Variants in CNTNAP2 observed in about 807,000 individuals in gnomAD.
The protein encoded by CNTNAP2 is contactin-associated protein-like 2.
A neutral mutation model predicts 155.2 loss-of-function variants in CNTNAP2; 98 were observed. The observed-to-expected ratio is 0.63, with a 90% CI of 0.54 to 0.75. The LOEUF is 0.75. Among genes scored for constraint, CNTNAP2 ranks in the 30% least tolerant of loss-of-function variants. CNTNAP2 has a pLI of 0.00. For missense variants in CNTNAP2, 1,727 were observed against 1,688.1 expected (o/e 1.02, Z -0.40); for synonymous variants, 651 against 631.2 (o/e 1.03, Z -0.47).
chr7:146,704,358 G>A (rs1312483923), intron 1 of CNTNAP2, among the ~76,000 whole-genome samples: 2 of 152,234 alleles, frequency 1.3e-5, no homozygotes, highest in East Asian at 3.9e-4. Flanking sequence ...GTTTTAGTTA[G>A]TATGACCTGG....
At chr7:146,741,319 A>G (rs1004414761) in intron 1 of CNTNAP2, among the ~76,000 whole-genome samples, 1 of 152,108 alleles carries the variant, frequency 6.6e-6, no homozygotes, top group Non-Finnish European at 1.5e-5. Context: ...CTTGCTGGAG[A>G]GTCCTACTCC....
At chr7:148,075,986 A>T (rs992922109) in intron 15 of CNTNAP2, among the ~76,000 whole-genome samples, 4 of 152,214 alleles carry the variant, frequency 2.6e-5, no homozygotes, top group Non-Finnish European at 1.5e-5. Context: ...CTCCCCGTAC[A>T]GTCTTCATAG....
intron 21 of CNTNAP2, among the ~76,000 whole-genome samples, chr7:148,288,917 T>C (rs913117609): frequency 7.9e-5 from 9 of 114,628 alleles, no homozygotes; most frequent in African/African-American, 3.0e-4. Context: ...ACTTTTTAAT[T>C]ACAACAGATT....
intron 8 of CNTNAP2, among the ~76,000 whole-genome samples, chr7:147,251,016 A>G (rs780128915): frequency 2.0e-5 from 3 of 152,152 alleles, no homozygotes; most frequent in Non-Finnish European, 4.4e-5. Context: ...TCCATCTTAG[A>G]AAAAGACTCC....
At chr7:147,672,068 A>G (rs891641771) in intron 13 of CNTNAP2, 1 of 152,360 alleles carries the variant, frequency 6.6e-6, no homozygotes, top group Non-Finnish European at 1.5e-5. Flanking sequence ...ACTTTAAAAC[A>G]TCAGAATGAA....
chr7:146,938,478 A>G (rs563949074), intron 3 of CNTNAP2, among the ~76,000 whole-genome samples: 2 of 151,040 alleles, frequency 1.3e-5, no homozygotes, highest in Admixed American at 1.3e-4. Flanking sequence ...TATATAATAT[A>G]TAAAACTACT....
At chr7:146,752,464 G>A (rs1220127937) in intron 1 of CNTNAP2, among the ~76,000 whole-genome samples, 1 of 151,902 alleles carries the variant, frequency 6.6e-6, no homozygotes, top group East Asian at 1.9e-4. Context: ...CCCACTTGAC[G>A]GGGTTGTTTT....
intron 15 of CNTNAP2, among the ~76,000 whole-genome samples, chr7:148,063,447 T>C (rs1268214752): frequency 6.6e-6 from 1 of 151,982 alleles, no homozygotes; most frequent in Non-Finnish European, 1.5e-5. Context: ...TCCTTTTTTC[T>C]TTTTTCTTTT....
At chr7:147,874,797 T>C (rs577397422) in intron 13 of CNTNAP2, among the ~76,000 whole-genome samples, 25 of 152,336 alleles carry the variant, frequency 1.6e-4, no homozygotes, top group African/African-American at 5.8e-4. Flanking sequence ...CTCTGCTTCA[T>C]CTTGAATGCT....
intron 1 of CNTNAP2, among the ~76,000 whole-genome samples, chr7:146,155,152 G>C (rs1798106011): frequency 1.3e-5 from 2 of 152,166 alleles, no homozygotes; most frequent in Non-Finnish European, 2.9e-5. Context: ...AAGCTCCTAT[G>C]TGGTCAGACT....
intron 4 of CNTNAP2, among the ~76,000 whole-genome samples, chr7:147,068,887 A>G (rs1799835664): frequency 6.6e-6 from 1 of 152,194 alleles, no homozygotes; most frequent in African/African-American, 2.4e-5. Flanking sequence ...GTAAAGGAAT[A>G]CCTGCAGCTA....
At chr7:148,355,165 G>GTTTTTTTTTTTTTTT (rs1563055120) in intron 21 of CNTNAP2, among the ~76,000 whole-genome samples, 1 of 27,804 alleles carries the variant, frequency 3.6e-5, no homozygotes, top group African/African-American at 1.7e-4. Context: ...GCCGCCAGCT[G>GTTTTTTTTTTTTTTT]CTTTTTTTTT....
intron 16 of CNTNAP2, among the ~76,000 whole-genome samples, chr7:148,128,993 A>G (rs1355819861): frequency 6.6e-6 from 1 of 152,040 alleles, no homozygotes; most frequent in Non-Finnish European, 1.5e-5. Context: ...AGGATCTTCC[A>G]TTTGAAGATA....
intron 1 of CNTNAP2, among the ~76,000 whole-genome samples, chr7:146,710,292 A>G (rs1292133644): frequency 6.6e-6 from 1 of 152,184 alleles, no homozygotes; most frequent in Non-Finnish European, 1.5e-5. Context: ...TCTCAAGGGA[A>G]CTGTAGTGTT....
rs60507060 is a variant in CNTNAP2, at chr7:146,770,317, T to TACACACACACAC, written c.98-3932_98-3921dup. 4.4e-3 allele frequency among the ~76,000 whole-genome samples: 626 copies of TACACACACACAC among 143,768 alleles called. 4 individuals are homozygous for TACACACACACAC. The highest frequency in any genetic ancestry group is 5.4e-3 in the Non-Finnish European group (356 of 65,644). 94.3% of individuals were successfully genotyped at this position (143,768 alleles called of 152,430 possible). A position where few individuals can be genotyped will look rare whatever the true frequency, so the allele number is the denominator to read the frequency against. ...AATTATATATATATATGTGTGTGTATACACACACACACACACACACACACA... is the reference window on the plus strand; with the variant it reads ...AATTATATATATATATGTGTGTGTATACACACACACACACACACACACACACACACACACACA... On this transcript the variant is annotated intron_variant, in intron 1 of 23. Transcript: ENST00000361727.
At chr7:146,698,663 T>C (rs1413439673) in intron 1 of CNTNAP2, among the ~76,000 whole-genome samples, 4 of 152,130 alleles carry the variant, frequency 2.6e-5, no homozygotes, top group Admixed American at 6.6e-5. Context: ...TGTCTGTCTT[T>C]GAATTCGAAA....
intron 1 of CNTNAP2, among the ~76,000 whole-genome samples, chr7:146,156,105 G>A (rs189674504): frequency 2.5e-3 from 387 of 152,066 alleles, no homozygotes; most frequent in African/African-American, 8.0e-3. Flanking sequence ...TTCCCACATC[G>A]TCTGGAACAT....
At chr7:146,446,785 C>G (rs1012806645) in intron 1 of CNTNAP2, among the ~76,000 whole-genome samples, 3 of 152,042 alleles carry the variant, frequency 2.0e-5, no homozygotes, top group Non-Finnish European at 4.4e-5. Flanking sequence ...AGTATACTCA[C>G]CTATGAGTCC....
At chr7:147,731,518 G>A (rs77871602) in intron 13 of CNTNAP2, among the ~76,000 whole-genome samples, 29,247 of 152,058 alleles carry the variant, frequency 0.19, 3,236 homozygotes, top group Middle Eastern at 0.38. Flanking sequence ...CTTTCAAACT[G>A]TTAGTGTTCA....
Sources: allele counts gnomAD v4.1 joint callset (sites outside exome capture counted in the v4.1 genomes callset), GRCh38; gene constraint gnomAD v4.1.1; transcripts MANE v1.5; gene names NCBI Gene and HGNC (gene_info 2026-07-23, HGNC 2026-07-21).